CELF2: variants seen among roughly 807,000 people sequenced by gnomAD.
CELF2 encodes CUGBP Elav-like family member 2, also known as CUG triplet repeat RNA-binding protein 2.
Under a neutral mutation model 62.6 loss-of-function variants are expected in CELF2, and 8 were observed. That is an observed-to-expected ratio of 0.13 (90% CI 0.07 to 0.23). CELF2 has a LOEUF of 0.23. Ranked by LOEUF, CELF2 falls within the 10% of genes least tolerant of loss-of-function variation. CELF2 has a pLI of 1.00. For synonymous variants in CELF2, 258 were observed against 250.0 expected (o/e 1.03, Z -0.30); for missense variants, 333 against 671.0 (o/e 0.50, Z 5.56).
intron 1 of CELF2, among the ~76,000 whole-genome samples, chr10:10,808,154 A>G (rs564948967): frequency 2.0e-5 from 3 of 152,208 alleles, no homozygotes; most frequent in Non-Finnish European, 4.4e-5. Context: ...GACATAAAAC[A>G]TGTTAAAATA....
chr10:11,148,404 A>G (rs1282907758), intron 1 of CELF2, among the ~76,000 whole-genome samples: 1 of 152,198 alleles, frequency 6.6e-6, no homozygotes, highest in Non-Finnish European at 1.5e-5. Context: ...ATTAGTAGTG[A>G]GTTTTGCCCA....
intron 1 of CELF2, among the ~76,000 whole-genome samples, chr10:11,150,832 T>C (rs183613274): frequency 8.5e-5 from 13 of 152,364 alleles, no homozygotes; most frequent in African/African-American, 2.6e-4. Context: ...ATGATTAATT[T>C]TGGAGCCCCA....
intron 2 of CELF2, among the ~76,000 whole-genome samples, chr10:10,949,597 G>A (rs1232242734): frequency 2.0e-5 from 3 of 151,500 alleles, no homozygotes; most frequent in Non-Finnish European, 4.4e-5. Context: ...TTCAAGACCA[G>A]CCTGGCCAAT....
chr10:10,509,158 A>C, the CELF2 span, among the ~76,000 whole-genome samples: 1 of 152,204 alleles, frequency 6.6e-6, no homozygotes, highest in East Asian at 1.9e-4. Context: ...TTGCATGCTG[A>C]ATTTTCCTTC....
At chr10:10,853,464 C>G (rs1345847085) in intron 1 of CELF2, among the ~76,000 whole-genome samples, 1 of 151,888 alleles carries the variant, frequency 6.6e-6, no homozygotes, top group Non-Finnish European at 1.5e-5. Context: ...GGTTACAAAC[C>G]AGTTTTGGAA....
chr10:11,028,385 C>A (rs1371183833), intron 1 of CELF2, among the ~76,000 whole-genome samples: 1 of 151,752 alleles, frequency 6.6e-6, no homozygotes, highest in Non-Finnish European at 1.5e-5. Flanking sequence ...AGAAACCCAG[C>A]CGTTAAGGAA....
At chr10:11,304,563 G>A (rs1040756589) in intron 9 of CELF2, among the ~76,000 whole-genome samples, 5 of 151,588 alleles carry the variant, frequency 3.3e-5, no homozygotes, top group Non-Finnish European at 7.4e-5. Context: ...GCATCACATG[G>A]CCGGGGCTGA....
chr10:10,487,652 C>T, the CELF2 span, among the ~76,000 whole-genome samples: 2 of 152,086 alleles, frequency 1.3e-5, no homozygotes, highest in South Asian at 4.1e-4. Context: ...TACTTTGATG[C>T]ATATTTGAGA....
At chr10:10,696,744 T>C in the CELF2 span, among the ~76,000 whole-genome samples, 2,341 of 151,754 alleles carry the variant, frequency 0.015, 38 homozygotes, top group African/African-American at 0.04. Context: ...GCGCAGTATT[T>C]GGGTGGGAGT....
the CELF2 span, among the ~76,000 whole-genome samples, chr10:10,733,147 C>A: frequency 2.9e-4 from 44 of 152,204 alleles, no homozygotes; most frequent in African/African-American, 1.0e-3. Context: ...AGTGTGCCTG[C>A]AGCTAGCTTC....
At chr10:10,816,713 A>G (rs1590735046) in intron 1 of CELF2, among the ~76,000 whole-genome samples, 1 of 152,218 alleles carries the variant, frequency 6.6e-6, no homozygotes, top group African/African-American at 2.4e-5. Flanking sequence ...ATCATATGGT[A>G]CTAATTTGCT....
At chr10:10,537,442 C>T in the CELF2 span, among the ~76,000 whole-genome samples, 1 of 152,148 alleles carries the variant, frequency 6.6e-6, no homozygotes, top group Non-Finnish European at 1.5e-5. Flanking sequence ...ATTTGTTGGG[C>T]CCCAGGGCAG....
chr10:10,478,051 T>C, the CELF2 span, among the ~76,000 whole-genome samples: 1 of 152,222 alleles, frequency 6.6e-6, no homozygotes, highest in Non-Finnish European at 1.5e-5. Flanking sequence ...GTTAAAAACG[T>C]GGCCAGACAC....
At chr10:10,894,005 G>A (rs548303458) in intron 1 of CELF2, among the ~76,000 whole-genome samples, 8 of 152,220 alleles carry the variant, frequency 5.3e-5, no homozygotes, top group South Asian at 2.1e-4. Flanking sequence ...ATCAGAGAGC[G>A]TTCTTGGAGC....
Position 11,157,100 on chromosome 10 carries a change from AG to A in CELF2, c.75-8381del, listed in dbSNP as rs796864496. ...GAAGGTCCTTTGCGGAACAGGCTCC[AG>A]GGGGTGGCATTTCAAGAGCAGGTTG... On this transcript the variant is annotated intron_variant, in intron 1 of 12. Transcript: ENST00000633077. The surrounding 1 kb of genome is among the most constrained non-coding windows in gnomAD (Gnocchi z 4.9). Among the ~76,000 whole-genome samples, 39 of 152,192 alleles carry A rather than the reference AG, an allele frequency of 2.6e-4. No individual in the cohort carries two copies. The highest frequency in any genetic ancestry group is 8.9e-4 in the African/African-American group (37 of 41,524).
chr10:10,700,312 C>T, the CELF2 span, among the ~76,000 whole-genome samples: 1,348 of 152,334 alleles, frequency 8.8e-3, 22 homozygotes, highest in African/African-American at 0.031. Flanking sequence ...TTCACAGACT[C>T]TGTTGTTCAT....
chr10:11,178,862 A>G lies in CELF2; in HGVS notation c.271+13180A>G, dbSNP rs1588428679. On this transcript the variant is annotated intron_variant, in intron 2 of 12. Coordinates refer to ENST00000633077, the MANE Select transcript of CELF2 (RefSeq NM_001326342.2). The surrounding 1 kb of genome is among the most constrained non-coding windows in gnomAD (Gnocchi z 4.3). ...GGTCGGGCTGCCCTAGCAACACAGAATGCTGTGCTGACACATACTCCATCA... is the reference window on the plus strand; with the variant it reads ...GGTCGGGCTGCCCTAGCAACACAGAGTGCTGTGCTGACACATACTCCATCA... 6.6e-6 allele frequency among the ~76,000 whole-genome samples: 1 copy of G among 152,310 alleles called. No individual in the cohort carries two copies. Among genetic ancestry groups the G allele is most frequent in the Non-Finnish European group, 1.5e-5 (1 of 68,020 alleles).
intron 4 of CELF2, among the ~76,000 whole-genome samples, chr10:11,249,862 C>T (rs554981473): frequency 3.9e-5 from 6 of 152,188 alleles, no homozygotes; most frequent in African/African-American, 1.4e-4. Context: ...TTTCAGCGAA[C>T]CTTCTGTCCC....
upstream of CELF2, among the ~76,000 whole-genome samples, chr10:10,797,390 AAG>A (rs2054206336): frequency 6.6e-6 from 1 of 151,690 alleles, no homozygotes; most frequent in Admixed American, 6.6e-5. Context: ...CTTTGCAACA[AAG>A]AGAAAAAAAA....
Sources: gnomAD v4.1 joint callset for allele counts (sites outside exome capture counted in the v4.1 genomes callset) on GRCh38, gnomAD v4.1.1 for gene constraint, Gnocchi (gnomAD v3.1) non-coding constraint, MANE v1.5 for transcripts, NCBI Gene and HGNC (gene_info 2026-07-23, HGNC 2026-07-21) for gene names.